Variants in HDC observed in about 807,000 individuals in gnomAD.
HDC encodes histidine decarboxylase.
Under a neutral mutation model 64.4 loss-of-function variants are expected in HDC, and 27 were observed. That is an observed-to-expected ratio of 0.42 (90% confidence interval 0.31 to 0.58). The LOEUF (loss-of-function observed/expected upper bound fraction) is 0.58. Ranked by LOEUF, HDC falls within the 20% of genes least tolerant of loss-of-function variation. The pLI, the probability that HDC is intolerant of heterozygous loss-of-function variation, is 0.16. For synonymous variants in HDC, 305 were observed against 314.2 expected (o/e 0.97, Z 0.31); for missense variants, 711 against 833.9 (o/e 0.85, Z 1.81).
intron 10 of HDC, among the ~76,000 whole-genome samples, chr15:50,247,017 C>T (rs1173357196): frequency 6.6e-6 from 1 of 152,154 alleles, no homozygotes; most frequent in African/African-American, 2.4e-5. Flanking sequence ...CATGTTCTCA[C>T]TCAAACGTGG....
intron 10 of HDC, among the ~76,000 whole-genome samples, chr15:50,244,313 A>ATTTTTT (rs2045448473): frequency 7.6e-4 from 53 of 69,326 alleles, no homozygotes; most frequent in African/African-American, 2.6e-3. Flanking sequence ...TTTTTTTTTG[A>ATTTTTT]GAGATAGGGT....
chr15:50,252,365 G>C (rs1051690346), intron 9 of HDC, 65 bp downstream of exon 9: 1 of 1,295,252 alleles, frequency 7.7e-7, no homozygotes, highest in Non-Finnish European at 1.1e-6. Context: ...ATTTTGGGGG[G>C]TCAGACGCCT....
At chr15:50,258,914 A>G (rs886606289) in intron 2 of HDC, among the ~76,000 whole-genome samples, 1 of 152,146 alleles carries the variant, frequency 6.6e-6, no homozygotes, top group Non-Finnish European at 1.5e-5. Flanking sequence ...TAATCCCAGC[A>G]CTTTGGGAGG....
At chr15:50,243,313 C>A in intron 10 of HDC, 69 bp from the exon 11 acceptor site, 3 of 1,067,194 alleles carry the variant, frequency 2.8e-6, no homozygotes, top group Non-Finnish European at 4.4e-6. Context: ...AACTTTCAGA[C>A]TGCTAAATGG....
At chr15:50,260,262 C>G (rs984112565) in intron 2 of HDC, among the ~76,000 whole-genome samples, 1 of 151,988 alleles carries the variant, frequency 6.6e-6, no homozygotes, top group Non-Finnish European at 1.5e-5. Context: ...ACCTCATGAT[C>G]CACCCGCCTC....
At chr15:50,258,312 A>G (rs1786691278) in intron 3 of HDC, 92 bp downstream of exon 3, 1 of 736,912 alleles carries the variant, frequency 1.4e-6, no homozygotes, top group Non-Finnish European at 2.5e-6. Context: ...TTGTGGAGCC[A>G]TATTCAGAAA....
At chr15:50,243,730 T>C (rs1017085216) in intron 10 of HDC, among the ~76,000 whole-genome samples, 1 of 152,248 alleles carries the variant, frequency 6.6e-6, no homozygotes, top group Admixed American at 6.5e-5. Context: ...ATCCTAAGCC[T>C]ACATGCTTCA....
intron 5 of HDC, 35 bp from the exon 6 acceptor site, chr15:50,254,308 C>A: frequency 6.2e-7 from 1 of 1,612,968 alleles, no homozygotes; most frequent in South Asian, 1.1e-5. Context: ...AGCAAAGAGT[C>A]ATCCTGGAAT....
At chr15:50,249,608 G>A (rs368913265) in intron 9 of HDC, among the ~76,000 whole-genome samples, 2 of 152,150 alleles carry the variant, frequency 1.3e-5, no homozygotes, top group African/African-American at 4.8e-5. Flanking sequence ...CCAGCAGAAG[G>A]CATCAAAACC....
chr15:50,243,365 G>A (rs1447481916), intron 10 of HDC, 121 bp from the exon 11 acceptor site: 10 of 751,310 alleles, frequency 1.3e-5, no homozygotes, highest in Admixed American at 8.1e-5. Context: ...CGTTGTAAGC[G>A]GCTTCTGCCT....
At position 50,248,486 on chromosome 15, in the gene HDC, T is replaced by A; in HGVS notation, c.1042-143A>T. 1 of 698,822 alleles carries A rather than the reference T, an allele frequency of 1.4e-6. No homozygotes were observed. The highest frequency in any genetic ancestry group is 3.6e-4 in the Middle Eastern group (1 of 2,790). The allele number at this position is 698,822 out of a possible 1,614,324, so 43.3% of individuals were successfully genotyped here. A position where few individuals can be genotyped will look rare whatever the true frequency, so the allele number is the denominator to read the frequency against. Reference sequence around the variant, plus strand: ...GACTCTGGGAGCTGTTGCTAAGGAGTAAGCCAAGCTCCCCAAGGGTTGCCC... The same window carrying A: ...GACTCTGGGAGCTGTTGCTAAGGAGAAAGCCAAGCTCCCCAAGGGTTGCCC... On this transcript the variant is annotated intron_variant, in intron 9 of 11. Transcript: ENST00000267845. The surrounding 1 kb of genome is among the most constrained non-coding windows in gnomAD (Gnocchi z 4.3).
intron 8 of HDC, 24 bp downstream of exon 8, chr15:50,252,588 T>A: frequency 6.2e-7 from 1 of 1,614,178 alleles, no homozygotes; most frequent in Non-Finnish European, 8.5e-7. Context: ...TCCTGCGTGC[T>A]CGGAGCTGGG....
intron 2 of HDC, among the ~76,000 whole-genome samples, chr15:50,262,486 G>C (rs1392639072): frequency 6.6e-6 from 1 of 152,196 alleles, no homozygotes; most frequent in Non-Finnish European, 1.5e-5. Flanking sequence ...CCATGGCAGA[G>C]CTCCTCACCG....
At chr15:50,250,579 C>A (rs555401049) in intron 9 of HDC, among the ~76,000 whole-genome samples, 1 of 152,086 alleles carries the variant, frequency 6.6e-6, no homozygotes, top group Non-Finnish European at 1.5e-5. Context: ...TGAATTTAAA[C>A]GGTAACATGA....
At position 50,252,664 on chromosome 15, in the gene HDC, T is replaced by C. The variant is rs1296902161; in HGVS notation, c.898A>G (p.Thr300Ala). The change falls in exon 8 of 12, where the codon ACC becomes GCC. Residue 300 changes from threonine to alanine, a missense_variant. Thr to Ala is a moderately conservative substitution (Grantham distance 58). Transcript: ENST00000267845. ...LKGIEYADSF[T>A]FNPSKWMMVH... ...ATCATCCACTTGGAAGGATTAAAGG[T>C]GAAGGAGTCGGCATACTCAATCCCC... The C allele has an allele frequency of 1.9e-6, 3 of 1,613,888 alleles. No individual in the cohort carries two copies. Among genetic ancestry groups the C allele is most frequent in the Non-Finnish European group, 2.5e-6 (3 of 1,180,004 alleles).
At chr15:50,263,033 C>A (rs1567457227) in intron 2 of HDC, among the ~76,000 whole-genome samples, 9 of 150,634 alleles carry the variant, frequency 6.0e-5, no homozygotes, top group Non-Finnish European at 1.5e-5. Flanking sequence ...CACAACTGGG[C>A]AAAAAAAAAG....
At position 50,251,841 on chromosome 15, in the gene HDC, AAAAG is replaced by A. The variant is rs535844039; in HGVS notation, c.1041+585_1041+588del. The stretch of plus-strand genomic sequence containing the variant: ...AGCGAGACTCTGTCTCAGAAAAAAA[AAAAG>A]AAAGAAAGAAAGAAAGAAAACAAAA... On this transcript the variant is annotated intron_variant, in intron 9 of 11. Coordinates refer to ENST00000267845, the MANE Select transcript of HDC (RefSeq NM_002112.4). Among the ~76,000 whole-genome samples the A allele has an allele frequency of 1.8e-4, 27 of 151,642 alleles. No individual in the cohort carries two copies. In the East Asian group the frequency reaches 3.1e-3, roughly 17 times the overall value.
rs775552010 is a variant in HDC, at chr15:50,242,806, G to C, written c.1443C>G (p.Ser481=). Residue 481 remains serine (S), a synonymous_variant, in exon 12 of 12, where the codon TCC becomes TCG. Coordinates refer to ENST00000267845, the MANE Select transcript of HDC (RefSeq NM_002112.4). The part of the protein sequence containing the change: ...ATLILSQHCT[S]QPSPRVGNLI... ...GGTTCCCAACCCGAGGGCTGGGTTG[G>C]GAAGTACAGTGCTGACTCAGGATGA... is the stretch of plus-strand genomic sequence containing the variant. 1 of 1,613,990 alleles carries C rather than the reference G, an allele frequency of 6.2e-7. No individual in the cohort carries two copies. The highest frequency in any genetic ancestry group is 8.5e-7 in the Non-Finnish European group (1 of 1,180,016).
At chr15:50,262,393 C>A (rs1424347925) in intron 2 of HDC, among the ~76,000 whole-genome samples, 1 of 152,204 alleles carries the variant, frequency 6.6e-6, no homozygotes, top group East Asian at 1.9e-4. Context: ...AATTAGATAG[C>A]ATGTCATGTG....
Sources: gnomAD v4.1 joint callset for allele counts (sites outside exome capture counted in the v4.1 genomes callset) on GRCh38, gnomAD v4.1.1 for gene constraint, Gnocchi (gnomAD v3.1) non-coding constraint, MANE v1.5 for transcripts, NCBI Gene and HGNC (gene_info 2026-07-23, HGNC 2026-07-21) for gene names.